CDKL5: variants seen among roughly 807,000 people sequenced by gnomAD.
The protein encoded by CDKL5 is cyclin dependent kinase like 5.
A neutral mutation model predicts 61.7 loss-of-function variants in CDKL5; 8 were observed. The ratio of observed to expected loss-of-function variants is 0.13; its 90% CI spans 0.08 to 0.23. CDKL5 has a LOEUF of 0.23. CDKL5 is among the 10% of genes least tolerant of loss of function. The pLI is 1.00. For synonymous variants in CDKL5, 275 were observed against 272.3 expected, an observed-to-expected ratio of 1.01 and a Z score of -0.10; for missense variants, 440 against 734.5, an observed-to-expected ratio of 0.60 and a Z score of 4.63.
At chrX:18,473,354 A>G (rs1602211201) in intron 1 of CDKL5, among the ~76,000 whole-genome samples, 1 of 110,990 alleles carries the variant, frequency 9.0e-6, no homozygotes, top group African/African-American at 3.3e-5. Flanking sequence ...AATATTTAAT[A>G]TATTTTGTTG....
At chrX:18,614,611 C>T (rs375154427) in intron 15 of CDKL5, among the ~76,000 whole-genome samples, 4 of 112,716 alleles carry the variant, frequency 3.5e-5, no homozygotes, top group African/African-American at 6.4e-5. Flanking sequence ...CAGTTACTAT[C>T]GTTGTCATCT....
intron 9 of CDKL5, chrX:18,589,685 A>G (rs1370628260): frequency 1.8e-5 from 2 of 111,756 alleles, no homozygotes; most frequent in Non-Finnish European, 3.8e-5. Flanking sequence ...TGGTATTTCT[A>G]GTTCTAGATC....
intron 1 of CDKL5, among the ~76,000 whole-genome samples, chrX:18,494,450 G>T (rs1313350581): frequency 9.0e-6 from 1 of 111,167 alleles, no homozygotes; most frequent in Non-Finnish European, 1.9e-5. Context: ...TAGAGATGGG[G>T]TTTTTGCCAC....
intron 3 of CDKL5, among the ~76,000 whole-genome samples, chrX:18,525,849 C>T (rs5909068): frequency 0.3 from 31,687 of 106,407 alleles, 4,775 homozygotes; most frequent in Non-Finnish European, 0.45. Flanking sequence ...TGGGCTCAAG[C>T]GCTTCTCCTG....
chrX:18,431,029 T>C (rs1156937781), intron 1 of CDKL5, among the ~76,000 whole-genome samples: 1 of 108,651 alleles, frequency 9.2e-6, no homozygotes, highest in Non-Finnish European at 1.9e-5. Context: ...GCCTGGCTAA[T>C]TTTTTTGCAT....
intron 3 of CDKL5, among the ~76,000 whole-genome samples, chrX:18,543,428 C>A (rs923469476): frequency 9.1e-6 from 1 of 110,076 alleles, no homozygotes; most frequent in Admixed American, 9.7e-5. Flanking sequence ...TGCAGTGTGC[C>A]ATCTTCTTTC....
Position 18,650,453 on chromosome X carries a change from G to A in CDKL5, c.2841G>A (p.Pro947=), listed in dbSNP as rs368344738. 4.1e-6 allele frequency: 5 copies of A among 1,210,173 alleles called. No individual in the cohort carries two copies. Among genetic ancestry groups the A allele is most frequent in the East Asian group, 3.0e-5 (1 of 33,768 alleles). Residue 947 remains proline, a synonymous_variant, in exon 21 of 22, where the codon CCG becomes CCA. Coordinates refer to the CDKL5 transcript ENST00000379989. ...GTGACCCAAAGAAGCCTCACACTCCGTGCGTCCCAAACCGAGCCCTTCATC... is the reference window on the plus strand; with the variant it reads ...GTGACCCAAAGAAGCCTCACACTCCATGCGTCCCAAACCGAGCCCTTCATC...
At position 18,510,813 on chromosome X, in the gene CDKL5, A is replaced by G. The variant is rs1411332787; in HGVS notation, c.65-7A>G. 1 of 1,190,938 alleles carries G rather than the reference A, an allele frequency of 8.4e-7. No homozygotes were observed. On this transcript the variant is annotated splice_polypyrimidine_tract_variant and splice_region_variant and intron_variant, in intron 2 of 17. Coordinates refer to ENST00000623535, the MANE Select transcript of CDKL5 (RefSeq NM_001323289.2). ...TGCCCTTGATTGTTTACTTCTTTTT[A>G]TTATAGGAGCCTATGGAGTTGTACT...
At chrX:18,641,353 T>TG (rs1359450307), downstream of CDKL5, 1 of 113,354 alleles carries the variant, frequency 8.8e-6, no homozygotes, top group African/African-American at 3.3e-5. Context: ...TTCATGAGGG[T>TG]GGAAGCCCAG....
At chrX:18,642,213 G>C (rs1927611520), downstream of CDKL5, 18 of 1,136,862 alleles carry the variant, frequency 1.6e-5, no homozygotes, top group Non-Finnish European at 1.9e-5. Context: ...AAGGAAGAAG[G>C]GTTCCTTTCT....
intron 20 of CDKL5, among the ~76,000 whole-genome samples, chrX:18,648,905 C>T (rs1253355692): frequency 9.1e-6 from 1 of 109,704 alleles, no homozygotes; most frequent in Non-Finnish European, 1.9e-5. Flanking sequence ...TAGGGAGACC[C>T]CATCTCGTGG....
intron 3 of CDKL5, among the ~76,000 whole-genome samples, chrX:18,528,158 C>T (rs1051382401): frequency 9.2e-6 from 1 of 108,293 alleles, no homozygotes; most frequent in Non-Finnish European, 1.9e-5. Context: ...GTGTATTCTG[C>T]TGTTACTAAA....
At chrX:18,628,260 G>A in intron 17 of CDKL5, 111 bp from the exon 18 acceptor site, 2 of 761,166 alleles carry the variant, frequency 2.6e-6, no homozygotes, top group Non-Finnish European at 4.1e-6. Context: ...CCTTGCACAT[G>A]CTTGCCCTTC....
intron 3 of CDKL5, among the ~76,000 whole-genome samples, chrX:18,560,009 A>G (rs1924743822): frequency 9.1e-6 from 1 of 109,384 alleles, no homozygotes; most frequent in Non-Finnish European, 1.9e-5. Context: ...TATATGTGCC[A>G]CATTTTCTTA....
At chrX:18,465,922 G>T (rs1191160215) in intron 1 of CDKL5, among the ~76,000 whole-genome samples, 1 of 111,867 alleles carries the variant, frequency 8.9e-6, no homozygotes, top group Non-Finnish European at 1.9e-5. Context: ...GATAATTTTT[G>T]ATGGTTTCAG....
intron 1 of CDKL5, among the ~76,000 whole-genome samples, chrX:18,483,667 G>T (rs993461757): frequency 9.1e-6 from 1 of 109,691 alleles, no homozygotes; most frequent in African/African-American, 3.3e-5. Context: ...TGATCCACCC[G>T]CCTCGGCCTC....
At chrX:18,647,827 G>A (rs773642425) in intron 20 of CDKL5, among the ~76,000 whole-genome samples, 1 of 111,177 alleles carries the variant, frequency 9.0e-6, no homozygotes, top group Admixed American at 9.6e-5. Flanking sequence ...CAAGAAGGGC[G>A]ATGACATATT....
intron 3 of CDKL5, among the ~76,000 whole-genome samples, chrX:18,521,125 T>C (rs986556847): frequency 8.9e-6 from 1 of 112,273 alleles, no homozygotes; most frequent in Non-Finnish European, 1.9e-5. Context: ...TCCCCAATGA[T>C]GAGTGATTTT....
At chrX:18,531,696 T>C (rs1923646381) in intron 3 of CDKL5, among the ~76,000 whole-genome samples, 1 of 110,165 alleles carries the variant, frequency 9.1e-6, no homozygotes, top group Non-Finnish European at 1.9e-5. Flanking sequence ...TTTTTTCTTT[T>C]TTTCTTTTTT....
Sources: allele counts gnomAD v4.1 joint callset (sites outside exome capture counted in the v4.1 genomes callset), GRCh38; gene constraint gnomAD v4.1.1; transcripts MANE v1.5; gene names NCBI Gene and HGNC (gene_info 2026-07-23, HGNC 2026-07-21).